Variants in RCAN2 observed in about 807,000 individuals in gnomAD.
RCAN2 encodes regulator of calcineurin 2, also known as calcipressin-2.
A neutral mutation model predicts 23.6 loss-of-function variants in RCAN2; 9 were observed. The ratio of observed to expected loss-of-function variants is 0.38; its 90% CI spans 0.23 to 0.67. The LOEUF (loss-of-function observed/expected upper bound fraction) is 0.67, where lower values mean the gene tolerates loss of function less well. Among genes scored for constraint, RCAN2 ranks in the 30% least tolerant of loss-of-function variants. The pLI, the probability that RCAN2 is intolerant of heterozygous loss-of-function variation, is 0.51. For missense variants in RCAN2, 273 were observed against 302.3 expected, an observed-to-expected ratio of 0.90 and a Z score of 0.72; for synonymous variants, 109 against 115.7, an observed-to-expected ratio of 0.94 and a Z score of 0.37.
intron 1 of RCAN2, among the ~76,000 whole-genome samples, chr6:46,473,519 G>C (rs1459911494): frequency 6.6e-6 from 1 of 151,994 alleles, no homozygotes; most frequent in Non-Finnish European, 1.5e-5. Flanking sequence ...TAATAGACTA[G>C]AGTCTTTCAT....
At chr6:46,326,902 T>A (rs1331106607) in intron 2 of RCAN2, among the ~76,000 whole-genome samples, 1 of 152,240 alleles carries the variant, frequency 6.6e-6, no homozygotes. Context: ...GCATTTTCTA[T>A]GCTAAAGGTA....
At chr6:46,387,512 C>T (rs184305193) in intron 2 of RCAN2, among the ~76,000 whole-genome samples, 1 of 152,128 alleles carries the variant, frequency 6.6e-6, no homozygotes, top group Non-Finnish European at 1.5e-5. Flanking sequence ...ATGCTCATCA[C>T]CACTGGCCAT....
chr6:46,332,956 A>C (rs563122492), intron 2 of RCAN2, among the ~76,000 whole-genome samples: 52 of 152,052 alleles, frequency 3.4e-4, no homozygotes, highest in African/African-American at 4.6e-4. Flanking sequence ...TTCTCCACAT[A>C]CTCTCCAGCA....
chr6:46,483,156 C>T (rs1045243176), intron 1 of RCAN2, among the ~76,000 whole-genome samples: 1 of 152,204 alleles, frequency 6.6e-6, no homozygotes, highest in Admixed American at 6.5e-5. Context: ...GTGATCCCAT[C>T]TAGAGACATT....
At chr6:46,456,625 A>T in intron 2 of RCAN2, 127 bp downstream of exon 2, 1 of 672,758 alleles carries the variant, frequency 1.5e-6, no homozygotes, top group Non-Finnish European at 2.6e-6. Context: ...CCTGGTACAC[A>T]TGCCAAAAAT....
chr6:46,266,431 T>G (rs988374927), intron 2 of RCAN2, among the ~76,000 whole-genome samples: 2 of 152,126 alleles, frequency 1.3e-5, no homozygotes, highest in Admixed American at 6.6e-5. Context: ...GGGAACACAT[T>G]GGGTAGGTGG....
intron 2 of RCAN2, among the ~76,000 whole-genome samples, chr6:46,279,304 C>T (rs1767822009): frequency 6.6e-6 from 1 of 151,598 alleles, no homozygotes; most frequent in South Asian, 2.1e-4. Context: ...CCAGGCAATA[C>T]CAAGAGTGCC....
intron 2 of RCAN2, among the ~76,000 whole-genome samples, chr6:46,347,597 C>T (rs1764524993): frequency 6.6e-6 from 1 of 152,162 alleles, no homozygotes. Flanking sequence ...AAGGAGATAA[C>T]ATATTTCCTA....
At chr6:46,355,421 A>G (rs1176615908) in intron 2 of RCAN2, among the ~76,000 whole-genome samples, 1 of 152,180 alleles carries the variant, frequency 6.6e-6, no homozygotes, top group Non-Finnish European at 1.5e-5. Flanking sequence ...CGACTGGTCA[A>G]GGAAGCCTGC....
intron 1 of RCAN2, among the ~76,000 whole-genome samples, chr6:46,472,181 C>T (rs773574863): frequency 1.3e-5 from 2 of 152,200 alleles, no homozygotes; most frequent in African/African-American, 2.4e-5. Context: ...ACATCAAGTA[C>T]ATCATGCATA....
chr6:46,460,744 A>C (rs1768181949), intron 1 of RCAN2, among the ~76,000 whole-genome samples: 1 of 152,254 alleles, frequency 6.6e-6, no homozygotes, highest in African/African-American at 2.4e-5. Flanking sequence ...GAAAGCCCTC[A>C]AAATAATGTT....
chr6:46,465,766 A>T (rs1057378078), intron 1 of RCAN2, among the ~76,000 whole-genome samples: 21 of 152,364 alleles, frequency 1.4e-4, no homozygotes, highest in African/African-American at 4.1e-4. Flanking sequence ...GCTCTGGGGC[A>T]CAGGGCGCAG....
intron 2 of RCAN2, among the ~76,000 whole-genome samples, chr6:46,346,138 G>A (rs1291611085): frequency 5.3e-5 from 8 of 151,678 alleles, no homozygotes; most frequent in Admixed American, 4.6e-4. Flanking sequence ...ATAACCCTTT[G>A]GTCAAAGAAG....
intron 2 of RCAN2, among the ~76,000 whole-genome samples, chr6:46,351,404 G>A (rs550619963): frequency 6.6e-6 from 1 of 152,320 alleles, no homozygotes; most frequent in South Asian, 2.1e-4. Flanking sequence ...ATCTTGTTAT[G>A]ATGGACTGCT....
At chr6:46,288,862 T>G (rs1337257759) in intron 2 of RCAN2, among the ~76,000 whole-genome samples, 1 of 152,276 alleles carries the variant, frequency 6.6e-6, no homozygotes, top group Non-Finnish European at 1.5e-5. Flanking sequence ...TGTCACTATA[T>G]CCACAGTGCC....
intron 2 of RCAN2, among the ~76,000 whole-genome samples, chr6:46,308,157 G>A (rs767619820): frequency 2.0e-5 from 3 of 152,088 alleles, no homozygotes; most frequent in Non-Finnish European, 1.5e-5. Flanking sequence ...GCTCCTTCAT[G>A]TCACAAAGCC....
At chr6:46,411,969 G>A (rs565857185) in intron 2 of RCAN2, among the ~76,000 whole-genome samples, 65 of 152,242 alleles carry the variant, frequency 4.3e-4, no homozygotes, top group Admixed American at 4.0e-3. Context: ...CATCAGATTC[G>A]TGTTATGTAA....
chr6:46,290,627 A>T (rs904502939), intron 2 of RCAN2, among the ~76,000 whole-genome samples: 7 of 152,252 alleles, frequency 4.6e-5, no homozygotes, highest in African/African-American at 1.4e-4. Context: ...AAAGAAAAAT[A>T]AACCAAATGG....
At chr6:46,479,049 C>G (rs1457363311) in intron 1 of RCAN2, among the ~76,000 whole-genome samples, 1 of 152,176 alleles carries the variant, frequency 6.6e-6, no homozygotes, top group African/African-American at 2.4e-5. Flanking sequence ...AGAGTTCCAC[C>G]CAAGGTCAGA....
Sources: gnomAD v4.1 joint callset for allele counts (sites outside exome capture counted in the v4.1 genomes callset) on GRCh38, gnomAD v4.1.1 for gene constraint, MANE v1.5 for transcripts, NCBI Gene and HGNC (gene_info 2026-07-23, HGNC 2026-07-21) for gene names.